PRDM1: variants seen among roughly 807,000 people sequenced by gnomAD.
PRDM1 encodes the protein PR domain zinc finger protein 1.
PRDM1 carries 13 observed loss-of-function variants against 62.8 expected under a neutral mutation model. The ratio of observed to expected loss-of-function variants is 0.21; its 90% CI spans 0.13 to 0.33. The LOEUF (loss-of-function observed/expected upper bound fraction) is 0.33. Among genes scored for constraint, PRDM1 ranks in the 10% least tolerant of loss-of-function variants. The pLI is 1.00. For missense variants in PRDM1, 895 were observed against 1,058.8 expected (o/e 0.85, Z 2.15); for synonymous variants, 396 against 417.6 (o/e 0.95, Z 0.63).
upstream of PRDM1, chr6:106,045,412 G>A (rs1174592777): frequency 6.6e-6 from 1 of 152,076 alleles, no homozygotes; most frequent in Non-Finnish European, 1.5e-5. Context: ...ATTTAGTTTG[G>A]TAGATTTTCT....
chr6:106,005,825 C>G (rs889994022), intron 1 of PRDM1, among the ~76,000 whole-genome samples: 1 of 152,174 alleles, frequency 6.6e-6, no homozygotes, highest in African/African-American at 2.4e-5. Context: ...TTTGATGATT[C>G]TGCTTCATGT....
At chr6:106,046,093 G>GA (rs572226488), upstream of PRDM1, 118 of 147,124 alleles carry the variant, frequency 8.0e-4, no homozygotes, top group South Asian at 2.8e-3. Context: ...GAGAAGAAGG[G>GA]AAAAAAAAAC....
chr6:106,078,303 C>T (rs569417270), intron 1 of PRDM1: 102 of 152,236 alleles, frequency 6.7e-4, no homozygotes, highest in African/African-American at 2.2e-3. Context: ...TTAATCTTCT[C>T]CTGGTGGGAT....
chr6:106,034,288 C>T (rs1772891729), intron 1 of PRDM1, among the ~76,000 whole-genome samples: 1 of 151,714 alleles, frequency 6.6e-6, no homozygotes, highest in Non-Finnish European at 1.5e-5. Context: ...TTTCCTTCAT[C>T]TTCTGGCTTT....
At chr6:106,028,918 C>CCTTTT (rs1772801600) in intron 1 of PRDM1, among the ~76,000 whole-genome samples, 1 of 124,298 alleles carries the variant, frequency 8.0e-6, no homozygotes, top group African/African-American at 3.1e-5. Context: ...TTCTTTCCTT[C>CCTTTT]TTTTTTTTTT....
intron 3 of PRDM1, 140 bp downstream of exon 3, chr6:106,095,874 G>T: frequency 1.1e-6 from 1 of 913,966 alleles, no homozygotes; most frequent in South Asian, 1.7e-5. Context: ...CATGGACACA[G>T]GGAATTCTGA....
upstream of PRDM1, among the ~76,000 whole-genome samples, chr6:106,047,422 A>G (rs34637707): frequency 0.014 from 2,074 of 152,344 alleles, 32 homozygotes; most frequent in Non-Finnish European, 0.02. Flanking sequence ...ATGCCTGTAG[A>G]AAGATGGACA....
rs953603036 is a variant in PRDM1, at chr6:106,079,978, A to G, written c.-66-8223A>G. 4.6e-5 allele frequency among the ~76,000 whole-genome samples: 7 copies of G among 152,220 alleles called. No homozygotes were observed. The East Asian group carries it at 1.3e-3, about 29-fold the overall frequency. On this transcript the variant is annotated intron_variant, in intron 1 of 6. Coordinates refer to the PRDM1 transcript ENST00000651185. ...GCATTAAAAACACACCCAGGGGCCA[A>G]GATTGAATTGCAAAGATGATTTTGC...
intron 1 of PRDM1, among the ~76,000 whole-genome samples, chr6:106,071,066 T>C (rs1773507852): frequency 6.6e-6 from 1 of 151,872 alleles, no homozygotes; most frequent in Non-Finnish European, 1.5e-5. Context: ...AGGTCAGGAG[T>C]TCAAGACCAG....
chr6:106,060,049 C>T (rs1446362437), intron 1 of PRDM1, among the ~76,000 whole-genome samples: 1 of 152,154 alleles, frequency 6.6e-6, no homozygotes, highest in African/African-American at 2.4e-5. Flanking sequence ...ATCTGATGCT[C>T]AGGGGAGTGT....
At chr6:106,013,988 A>G (rs1194551054) in intron 1 of PRDM1, among the ~76,000 whole-genome samples, 1 of 151,360 alleles carries the variant, frequency 6.6e-6, no homozygotes, top group Non-Finnish European at 1.5e-5. Context: ...CACTGTCTAA[A>G]TGTATTTATT....
rs748320705 is a variant in PRDM1, at chr6:106,105,732, G to A, written c.1572G>A (p.Thr524=). The change falls in exon 5 of 7, where the codon ACG becomes ACA. Residue 524 remains threonine (T), a synonymous_variant. Transcript: ENST00000369096. ...CTCCCACGGCGGGAACAGCCGCCAC[G>A]GCAGAACATGTGGTGCAGCCCAAAG... ...SGSPTAGTAA[T]AEHVVQPKAT... is the part of the protein sequence containing the mutation. 1.1e-5 allele frequency: 18 copies of A among 1,613,908 alleles called. No individual in the cohort carries two copies. Among genetic ancestry groups the A allele is most frequent in the East Asian group, 1.1e-4 (5 of 44,902 alleles).
At chr6:106,061,657 A>G (rs1478222459) in intron 1 of PRDM1, among the ~76,000 whole-genome samples, 1 of 152,126 alleles carries the variant, frequency 6.6e-6, no homozygotes, top group African/African-American at 2.4e-5. Flanking sequence ...AGGACATGTG[A>G]TTTCTTATTT....
chr6:106,009,676 G>C (rs991233123), intron 1 of PRDM1, among the ~76,000 whole-genome samples: 1 of 152,140 alleles, frequency 6.6e-6, no homozygotes, highest in African/African-American at 2.4e-5. Flanking sequence ...CAGGACGAAA[G>C]TTTTGAGCAT....
intron 1 of PRDM1, among the ~76,000 whole-genome samples, chr6:106,035,032 T>C (rs557596351): frequency 6.6e-6 from 1 of 152,370 alleles, no homozygotes; most frequent in South Asian, 2.1e-4. Context: ...TTGCATAGAA[T>C]GTCCTGTATA....
At chr6:106,018,989 G>A (rs557379754) in intron 1 of PRDM1, among the ~76,000 whole-genome samples, 72 of 152,094 alleles carry the variant, frequency 4.7e-4, no homozygotes, top group Admixed American at 2.3e-3. Context: ...TAAGAAGAGT[G>A]CAGGGCACAG....
intron 1 of PRDM1, among the ~76,000 whole-genome samples, chr6:106,021,974 A>G (rs571557777): frequency 6.6e-6 from 1 of 152,362 alleles, no homozygotes; most frequent in African/African-American, 2.4e-5. Flanking sequence ...GTCACAAAGT[A>G]GACTGATGAC....
chr6:106,103,384 A>C (rs1255691802), intron 4 of PRDM1, among the ~76,000 whole-genome samples: 2 of 152,130 alleles, frequency 1.3e-5, no homozygotes, highest in Non-Finnish European at 2.9e-5. Context: ...ATTCAAGCAG[A>C]GACATTTTTT....
intron 2 of PRDM1, among the ~76,000 whole-genome samples, chr6:106,090,880 CTTT>C (rs780599783): frequency 4.4e-5 from 6 of 137,082 alleles, no homozygotes; most frequent in Non-Finnish European, 3.2e-5. Context: ...GTGTCAGCAC[CTTT>C]TTTTTTTTTT....
Sources: allele counts gnomAD v4.1 joint callset (sites outside exome capture counted in the v4.1 genomes callset), GRCh38; gene constraint gnomAD v4.1.1; transcripts MANE v1.5; gene names NCBI Gene and HGNC (gene_info 2026-07-23, HGNC 2026-07-21).